The following BTLA variants were observed in gnomAD, a reference collection of about 807,000 sequenced individuals.
The protein encoded by BTLA is B and T lymphocyte associated.
Under a neutral mutation model 25.0 loss-of-function variants are expected in BTLA, and 11 were observed. The ratio of observed to expected loss-of-function variants is 0.44; its 90% CI spans 0.28 to 0.73. The LOEUF is 0.73. Among genes scored for constraint, BTLA ranks in the 30% least tolerant of loss-of-function variants. The pLI is 0.15. For synonymous variants in BTLA, 104 were observed against 119.8 expected (o/e 0.87, Z 0.86); for missense variants, 282 against 332.8 (o/e 0.85, Z 1.19).
intron 1 of BTLA, 60 bp from the exon 2 acceptor site, chr3:112,479,829 T>G: frequency 7.5e-7 from 1 of 1,327,386 alleles, no homozygotes; most frequent in Non-Finnish European, 1.0e-6. Context: ...CATATATATG[T>G]GACTTCAATA....
chr3:112,476,505 A>G (rs1364153998), intron 2 of BTLA, among the ~76,000 whole-genome samples: 1 of 152,204 alleles, frequency 6.6e-6, no homozygotes, highest in Non-Finnish European at 1.5e-5. Flanking sequence ...AAAGGAACTA[A>G]ACTGTACGAG....
Position 112,466,082 on chromosome 3 carries a change from G to A in BTLA, c.*26C>T, listed in dbSNP as rs746883407. The A allele has an allele frequency of 8.5e-6, 13 of 1,538,164 alleles. No individual in the cohort carries two copies. Among genetic ancestry groups the A allele is most frequent in the Non-Finnish European group, 1.1e-5 (12 of 1,134,608 alleles). ...GATGTCAACATGCTGATCATTCAATGGTCCCTGTTGGAGTCAGAAACAGAC... is the reference window on the plus strand; with the variant it reads ...GATGTCAACATGCTGATCATTCAATAGTCCCTGTTGGAGTCAGAAACAGAC... On this transcript the variant is annotated 3_prime_UTR_variant, in exon 5 of 5. Transcript: ENST00000334529.
At chr3:112,471,597 CT>C (rs1559823892) in intron 2 of BTLA, among the ~76,000 whole-genome samples, 1 of 152,190 alleles carries the variant, frequency 6.6e-6, no homozygotes, top group Non-Finnish European at 1.5e-5. Flanking sequence ...TAGAGTTAAT[CT>C]TCCACAGAAC....
intron 1 of BTLA, among the ~76,000 whole-genome samples, chr3:112,498,813 T>C (rs1005930135): frequency 6.6e-6 from 1 of 151,978 alleles, no homozygotes; most frequent in African/African-American, 2.4e-5. Context: ...AGAGGTAATA[T>C]TATTTGAGGG....
intron 3 of BTLA, 74 bp from the exon 4 acceptor site, chr3:112,469,878 C>A: frequency 8.0e-7 from 1 of 1,244,910 alleles, no homozygotes; most frequent in Non-Finnish European, 1.2e-6. Flanking sequence ...GCCACCCATG[C>A]TTATCCTGTT....
chr3:112,478,117 T>C (rs2107319358), intron 2 of BTLA, among the ~76,000 whole-genome samples: 1 of 152,108 alleles, frequency 6.6e-6, no homozygotes, highest in Non-Finnish European at 1.5e-5. Flanking sequence ...CTGTTGCAAC[T>C]CAATGTGAAT....
intron 1 of BTLA, among the ~76,000 whole-genome samples, chr3:112,490,062 A>G (rs1410242321): frequency 1.3e-5 from 2 of 152,246 alleles, no homozygotes; most frequent in Admixed American, 6.5e-5. Flanking sequence ...CACGGACGAC[A>G]TCAGAAAACC....
At chr3:112,497,253 G>A (rs181181819) in intron 1 of BTLA, among the ~76,000 whole-genome samples, 81 of 152,226 alleles carry the variant, frequency 5.3e-4, no homozygotes, top group African/African-American at 1.9e-3. Flanking sequence ...CTTACTATGC[G>A]AGGCACTTTA....
intron 1 of BTLA, among the ~76,000 whole-genome samples, chr3:112,489,267 A>T (rs2107333827): frequency 6.6e-6 from 1 of 152,300 alleles, no homozygotes; most frequent in East Asian, 1.9e-4. Flanking sequence ...CCAGCCACAA[A>T]CAACTGTATA....
chr3:112,464,342 C>A lies in BTLA; in HGVS notation c.*1766G>T. ...GAATCATGAAGGAACTGTTCAATTT[C>A]GTGTGTTCATCTGATAAGAGGACAG... On this transcript the variant is annotated 3_prime_UTR_variant, in exon 5 of 5. Coordinates refer to ENST00000334529, the MANE Select transcript of BTLA (RefSeq NM_181780.4). The A allele has an allele frequency of 2.6e-6, 1 of 387,756 alleles. No homozygotes were observed. The allele number at this position is 387,756 out of a possible 1,614,324, so 24.0% of individuals were successfully genotyped here.
At chr3:112,468,383 C>A (rs1012672823) in intron 4 of BTLA, among the ~76,000 whole-genome samples, 1 of 152,144 alleles carries the variant, frequency 6.6e-6, no homozygotes, top group Non-Finnish European at 1.5e-5. Context: ...AGTTCCCAAA[C>A]TAGTTTTATG....
intron 1 of BTLA, among the ~76,000 whole-genome samples, chr3:112,498,550 C>T (rs1358718275): frequency 1.7e-5 from 2 of 121,028 alleles, no homozygotes; most frequent in African/African-American, 6.4e-5. Context: ...AGCGACTTTA[C>T]AATAAAAAAG....
chr3:112,478,403 G>C (rs1188710346), intron 2 of BTLA, among the ~76,000 whole-genome samples: 1 of 152,006 alleles, frequency 6.6e-6, no homozygotes, highest in African/African-American at 2.4e-5. Flanking sequence ...AAATGGAACT[G>C]TTTCCTTAAT....
At chr3:112,484,541 TC>T (rs1386769650) in intron 1 of BTLA, among the ~76,000 whole-genome samples, 1 of 152,196 alleles carries the variant, frequency 6.6e-6, no homozygotes, top group African/African-American at 2.4e-5. Flanking sequence ...AACTTCACCT[TC>T]CTTAATGTGT....
Position 112,464,519 on chromosome 3 carries a change from T to G in BTLA, c.*1589A>C, listed in dbSNP as rs933763099. On this transcript the variant is annotated 3_prime_UTR_variant, in exon 5 of 5. Transcript: ENST00000334529. Reference sequence around the variant, plus strand: ...GGTTGCTTGAAATTCTAGGTGTAATTGGCAAAATAACAGTGACTCAAAAGA... The same window carrying G: ...GGTTGCTTGAAATTCTAGGTGTAATGGGCAAAATAACAGTGACTCAAAAGA... The G allele has an allele frequency of 1.5e-5, 3 of 202,030 alleles. No homozygotes were observed. The highest frequency in any genetic ancestry group is 6.9e-5 in the African/African-American group (3 of 43,660). 12.5% of individuals were successfully genotyped at this position (202,030 alleles called of 1,614,324 possible).
chr3:112,471,248 A>G lies in BTLA; in HGVS notation c.511T>C (p.Cys171Arg), dbSNP rs1172814123. Reference protein sequence around the residue: ...LGGLPLLITTCFCLFCCLRRH... With the variant: ...LGGLPLLITTRFCLFCCLRRH... ...CTCAGGCAGCAGAACAGGCAGAAAC[A>G]GGTAGTGATGAGTAGAGGCAATCCC... The change falls in exon 3 of 5, where the codon TGT (cysteine) becomes CGT (arginine). Residue 171 changes from cysteine (C) to arginine (R), a missense_variant. Around this residue, in one of 2 missense-constraint regions of BTLA, gnomAD observed 163 missense variants for 230.4 expected, o/e 0.71. Transcript: ENST00000334529. 6.2e-7 allele frequency: 1 copy of G among 1,614,120 alleles called. No homozygotes were observed. The highest frequency in any genetic ancestry group is 8.5e-7 in the Non-Finnish European group (1 of 1,179,984).
At chr3:112,478,603 A>G (rs892468740) in intron 2 of BTLA, among the ~76,000 whole-genome samples, 1 of 152,138 alleles carries the variant, frequency 6.6e-6, no homozygotes, top group South Asian at 2.1e-4. Flanking sequence ...TCTAAGTTAG[A>G]TATCTTTTAT....
rs1483405355 is a variant in BTLA at position 112,487,402 on chromosome 3, T to C, written c.89-7633A>G. On this transcript the variant is annotated intron_variant, in intron 1 of 4. Transcript: ENST00000334529. ...GAGTTTGAGACCAGCCTAACCAACA[T>C]GGAGAAACCCTGTCTCTATTAAAAA... 4.6e-5 allele frequency among the ~76,000 whole-genome samples: 7 copies of C among 152,214 alleles called. No individual in the cohort carries two copies. The East Asian group carries it at 1.4e-3, about 29-fold the overall frequency.
intron 1 of BTLA, among the ~76,000 whole-genome samples, chr3:112,491,026 A>G (rs1334112743): frequency 6.6e-6 from 1 of 152,124 alleles, no homozygotes; most frequent in East Asian, 1.9e-4. Context: ...GTATCTCTTG[A>G]TTTTATCATG....
Sources: allele counts gnomAD v4.1 joint callset (sites outside exome capture counted in the v4.1 genomes callset), GRCh38; gene constraint gnomAD v4.1.1; regional missense constraint gnomAD v4.1.1; transcripts MANE v1.5; gene names NCBI Gene and HGNC (gene_info 2026-07-23, HGNC 2026-07-21).